Variants in SYTL3 observed in about 807,000 individuals in gnomAD.
The protein encoded by SYTL3 is synaptotagmin like 3, also known as synaptotagmin-like protein 3.
In SYTL3, 88 loss-of-function variants were observed where a neutral mutation model predicts 82.1. That is an observed-to-expected ratio of 1.07 (90% CI 0.90 to 1.28). SYTL3 has a LOEUF of 1.28. SYTL3 is among the 50% of genes most tolerant of loss of function. The probability of loss-of-function intolerance (pLI) is 0.00; values close to 1 mark genes in which losing one functional copy is unlikely to be tolerated. For synonymous variants in SYTL3, 311 were observed against 289.4 expected (o/e 1.07, Z -0.76); for missense variants, 831 against 757.6 (o/e 1.10, Z -1.14).
At chr6:158,757,111 C>A (rs1300969502) in intron 13 of SYTL3, 100 bp from the exon 14 acceptor site, 11 of 1,225,708 alleles carry the variant, frequency 9.0e-6, no homozygotes, top group Admixed American at 2.6e-5. Flanking sequence ...CTGCGCCAGG[C>A]CCCGGGAAGT....
At chr6:158,740,400 C>A (rs1375701156) in intron 11 of SYTL3, among the ~76,000 whole-genome samples, 1 of 152,086 alleles carries the variant, frequency 6.6e-6, no homozygotes, top group Non-Finnish European at 1.5e-5. Flanking sequence ...GAAATATATT[C>A]TTTTCATATA....
intron 15 of SYTL3, 60 bp downstream of exon 15, chr6:158,760,805 GC>G: frequency 7.3e-7 from 1 of 1,373,844 alleles, no homozygotes; most frequent in African/African-American, 1.4e-5. Flanking sequence ...GCCTGGTGCT[GC>G]AGGCAGACTG....
At chr6:158,662,628 C>T (rs374672331) in intron 3 of SYTL3, 122 bp from the exon 4 acceptor site, 1 of 152,168 alleles carries the variant, frequency 6.6e-6, no homozygotes, top group African/African-American at 2.4e-5. Flanking sequence ...TAAAATTTTA[C>T]ATTATCACCG....
rs1253621137 is a variant in SYTL3, at chr6:158,672,775, G to GT, written c.329+7163dup. On this transcript the variant is annotated intron_variant, in intron 5 of 17. Coordinates refer to ENST00000611299, the MANE Select transcript of SYTL3 (RefSeq NM_001242394.2). ...GTTTCCCTAGTAGCTGAGATTACAG[G>GT]TGTGTGTTACCACACCCAGCTAATT... Among the ~76,000 whole-genome samples the GT allele has an allele frequency of 5.3e-5, 8 of 152,040 alleles. No individual in the cohort carries two copies. In the South Asian group the frequency reaches 6.2e-4, roughly 12 times the overall value.
chr6:158,659,676 T>C (rs957625483), intron 2 of SYTL3, among the ~76,000 whole-genome samples: 11 of 152,132 alleles, frequency 7.2e-5, no homozygotes, highest in Non-Finnish European at 1.3e-4. Context: ...TCGTTTGCAT[T>C]TTGAGGATGT....
At chr6:158,715,433 C>T (rs934154565) in intron 9 of SYTL3, among the ~76,000 whole-genome samples, 2 of 152,126 alleles carry the variant, frequency 1.3e-5, no homozygotes, top group African/African-American at 2.4e-5. Context: ...GTGGCCACCC[C>T]AGAGCCTGGC....
At chr6:158,731,708 C>T (rs1785444510) in intron 11 of SYTL3, among the ~76,000 whole-genome samples, 1 of 152,210 alleles carries the variant, frequency 6.6e-6, no homozygotes, top group African/African-American at 2.4e-5. Flanking sequence ...ATTCTCCTGC[C>T]TCAGCCTCCC....
chr6:158,716,205 G>C lies in SYTL3; in HGVS notation c.596-1882G>C, dbSNP rs190076714. 9.7e-3 allele frequency among the ~76,000 whole-genome samples: 1,479 copies of C among 152,258 alleles called. 14 individuals are homozygous for C. The highest frequency in any genetic ancestry group is 0.017 in the Non-Finnish European group (1,170 of 68,010). ...AGGGGAAGAGGAAATGAGAAAACTG[G>C]TCTTGCCCAGAAGCAATCTGCATTT... On this transcript the variant is annotated intron_variant, in intron 9 of 17. Coordinates refer to ENST00000611299, the MANE Select transcript of SYTL3 (RefSeq NM_001242394.2).
chr6:158,702,643 G>T (rs984655690), intron 6 of SYTL3, among the ~76,000 whole-genome samples: 2 of 152,172 alleles, frequency 1.3e-5, no homozygotes, highest in African/African-American at 4.8e-5. Flanking sequence ...GAAAATGTTC[G>T]AATAGAAGCA....
At chr6:158,726,850 CT>C (rs1200378161) in intron 11 of SYTL3, 270 of 135,768 alleles carry the variant, frequency 2.0e-3, no homozygotes, top group Middle Eastern at 3.7e-3. Flanking sequence ...GTTGAACTTT[CT>C]TTTTTTTTTT....
chr6:158,672,556 C>CCTT (rs775353841), intron 5 of SYTL3, among the ~76,000 whole-genome samples: 1 of 126,186 alleles, frequency 7.9e-6, no homozygotes, highest in African/African-American at 3.0e-5. Context: ...TTTTTTGTTT[C>CCTT]TTTTTTTTTT....
intron 14 of SYTL3, among the ~76,000 whole-genome samples, chr6:158,759,317 G>T (rs1297355475): frequency 2.0e-5 from 3 of 152,204 alleles, no homozygotes; most frequent in African/African-American, 7.2e-5. Flanking sequence ...GCTCTGTTCC[G>T]CCTCGGTTTC....
At chr6:158,737,780 A>G (rs1254325747) in intron 11 of SYTL3, among the ~76,000 whole-genome samples, 1 of 152,166 alleles carries the variant, frequency 6.6e-6, no homozygotes, top group Non-Finnish European at 1.5e-5. Flanking sequence ...AACGCATTTG[A>G]TGGATGGACG....
intron 10 of SYTL3, among the ~76,000 whole-genome samples, chr6:158,724,029 G>A (rs879804796): frequency 6.6e-5 from 10 of 152,156 alleles, no homozygotes; most frequent in East Asian, 3.8e-4. Flanking sequence ...GCATCCTCTC[G>A]GGTGATTGCA....
In SYTL3 at chr6:158,716,920, T is replaced by C. The variant is rs2054800; in HGVS notation, c.596-1167T>C. On this transcript the variant is annotated intron_variant, in intron 9 of 17. Coordinates refer to ENST00000611299, the MANE Select transcript of SYTL3 (RefSeq NM_001242394.2). ...AATCCAACAAAAGTAAAATATTTCA[T>C]GGATAACTTTAATGTTGATGACATT... Among the ~76,000 whole-genome samples, 460 of 152,340 alleles carry C rather than the reference T, an allele frequency of 3.0e-3. 4 individuals carry two copies. Among genetic ancestry groups the C allele is most frequent in the Non-Finnish European group, 3.6e-3 (248 of 68,040 alleles).
At position 158,757,379 on chromosome 6, in the gene SYTL3, A is replaced by G. The variant is rs779233220; in HGVS notation, c.1306A>G (p.Lys436Glu). The G allele has an allele frequency of 6.2e-7, 1 of 1,613,836 alleles. No individual in the cohort carries two copies. Among genetic ancestry groups the G allele is most frequent in the Non-Finnish European group, 8.5e-7 (1 of 1,179,878 alleles). The change falls in exon 14 of 18, where the codon AAG becomes GAG. Residue 436 changes from lysine to glutamate, a missense_variant and splice_region_variant. Lys to Glu is a moderately conservative substitution (Grantham distance 56, BLOSUM62 1). Transcript: ENST00000611299. ...QSFRWHPLRA[K>E]AEKYEDSVPQ... The stretch of plus-strand genomic sequence containing the variant: ...CTTCCGCTGGCATCCGCTCCGGGCC[A>G]AGGTGATGTCTGGTTTTGGACTGAG...
intron 6 of SYTL3, among the ~76,000 whole-genome samples, chr6:158,696,264 A>C (rs1332190355): frequency 6.6e-6 from 1 of 151,854 alleles, no homozygotes; most frequent in East Asian, 1.9e-4. Context: ...CAGTGGTGCT[A>C]TCTCGGCTGA....
At chr6:158,719,192 G>A (rs1783779539) in intron 10 of SYTL3, among the ~76,000 whole-genome samples, 3 of 152,222 alleles carry the variant, frequency 2.0e-5, no homozygotes, top group Admixed American at 2.0e-4. Flanking sequence ...TGACTATGAT[G>A]TGCTGGACTC....
Position 158,682,971 on chromosome 6 carries a change from A to C in SYTL3, c.376A>C (p.Lys126Gln). 4 of 1,612,922 alleles carry C rather than the reference A, an allele frequency of 2.5e-6. No individual in the cohort carries two copies. Among genetic ancestry groups the C allele is most frequent in the Non-Finnish European group, 3.4e-6 (4 of 1,178,926 alleles). The change falls in exon 6 of 18, where the codon AAG (lysine) becomes CAG (glutamine). Residue 126 changes from lysine (K) to glutamine (Q), a missense_variant. Coordinates refer to ENST00000611299, the MANE Select transcript of SYTL3 (RefSeq NM_001242394.2). ...TGEWFYEERA[K>Q]KFPTGGKHET... is the part of the protein sequence containing the mutation. Reference sequence around the variant, plus strand: ...AGAATGGTTCTATGAGGAACGAGCCAAGAAATTTCCAACTGGAGGTAAATG... The same window carrying C: ...AGAATGGTTCTATGAGGAACGAGCCCAGAAATTTCCAACTGGAGGTAAATG...
Sources: gnomAD v4.1 joint callset for allele counts (sites outside exome capture counted in the v4.1 genomes callset) on GRCh38, gnomAD v4.1.1 for gene constraint, MANE v1.5 for transcripts, NCBI Gene and HGNC (gene_info 2026-07-23, HGNC 2026-07-21) for gene names.